The following RNASEH2B variants were observed in gnomAD, a reference collection of about 807,000 sequenced individuals.
The protein encoded by RNASEH2B is ribonuclease H2 subunit B, also known as Aicardi-Goutieres syndrome 2 protein.
In RNASEH2B, 36 loss-of-function variants were observed where a neutral mutation model predicts 45.0. The observed-to-expected ratio is 0.80, with a 90% confidence interval of 0.61 to 1.06. The LOEUF (loss-of-function observed/expected upper bound fraction) is 1.06. Ranked by LOEUF, RNASEH2B falls within the 50% of genes least tolerant of loss-of-function variation. The pLI is 0.00. For missense variants in RNASEH2B, 361 were observed against 360.3 expected, an observed-to-expected ratio of 1.00 and a Z score of -0.02; for synonymous variants, 119 against 125.7, an observed-to-expected ratio of 0.95 and a Z score of 0.35.
chr13:50,966,887 C>G (rs1294911533), intron 9 of RNASEH2B, among the ~76,000 whole-genome samples: 1 of 152,160 alleles, frequency 6.6e-6, no homozygotes, highest in African/African-American at 2.4e-5. Context: ...GAACAAATAT[C>G]TTAATCTTTA....
Position 50,943,325 on chromosome 13 carries a change from T to A in RNASEH2B, c.441T>A (p.Asn147Lys). 1 of 1,577,718 alleles carries A rather than the reference T, an allele frequency of 6.3e-7. No homozygotes were observed. The highest frequency in any genetic ancestry group is 8.7e-7 in the Non-Finnish European group (1 of 1,148,472). ...LLHHVTEEKGNPEIDNKKYYK... is the reference protein window; with the variant it reads ...LLHHVTEEKGKPEIDNKKYYK... The stretch of plus-strand genomic sequence containing the variant: ...GAGTCTTTTTTTTCTTTTAAGGTAA[T>A]CCAGAAATAGACAACAAGAAATATT... Residue 147 changes from asparagine to lysine, a missense_variant, in exon 6 of 11, where the codon AAT becomes AAA. Asn to Lys is a moderately conservative substitution (Grantham distance 94, BLOSUM62 0). Coordinates refer to ENST00000336617, the MANE Select transcript of RNASEH2B (RefSeq NM_024570.4).
At chr13:50,954,293 AC>A (rs1472313093) in intron 10 of RNASEH2B, 8 of 514,688 alleles carry the variant, frequency 1.6e-5, no homozygotes, top group South Asian at 1.0e-4. Context: ...TTTTTTGTCA[AC>A]CCTGCTGCCC....
At chr13:50,953,736 A>AGATGATTGGCAAAATGTAAAG in intron 9 of RNASEH2B, 169 bp from the exon 10 acceptor site, 2 of 623,982 alleles carry the variant, frequency 3.2e-6, no homozygotes, top group Non-Finnish European at 2.8e-6. Context: ...TCAATTCCCT[A>AGATGATTGGCAAAATGTAAAG]GATGATTGGC....
intron 5 of RNASEH2B, chr13:50,937,547 G>A (rs1418346543): frequency 1.3e-5 from 2 of 152,006 alleles, no homozygotes; most frequent in African/African-American, 4.8e-5. Context: ...TTTTAAATGG[G>A]GGGAAAAATA....
intron 1 of RNASEH2B, among the ~76,000 whole-genome samples, chr13:50,916,711 GAA>G (rs1434418541): frequency 7.2e-5 from 11 of 152,222 alleles, no homozygotes; most frequent in African/African-American, 2.4e-4. Context: ...GTGCTTTCCT[GAA>G]ACCGGATACT....
chr13:50,956,721 T>A lies in RNASEH2B; in HGVS notation c.*247T>A. The stretch of plus-strand genomic sequence containing the variant: ...AGTAATCACTTGAAGAGAATTAACA[T>A]ATAGCATCATGATTTTCTCAATAAA... On this transcript the variant is annotated 3_prime_UTR_variant, in exon 11 of 11. Transcript: ENST00000336617. 1 of 1,221,194 alleles carries A rather than the reference T, an allele frequency of 8.2e-7. No individual in the cohort carries two copies. Among genetic ancestry groups the A allele is most frequent in the Non-Finnish European group, 1.0e-6 (1 of 966,624 alleles). The allele number at this position is 1,221,194 out of a possible 1,614,324, so 75.6% of individuals were successfully genotyped here. A position where few individuals can be genotyped will look rare whatever the true frequency, so the allele number is the denominator to read the frequency against.
intron 1 of RNASEH2B, among the ~76,000 whole-genome samples, chr13:50,924,127 T>C (rs113769863): frequency 1.2e-4 from 19 of 152,280 alleles, no homozygotes; most frequent in African/African-American, 4.3e-4. Context: ...GAATATGACA[T>C]ACAGAAAACA....
intron 7 of RNASEH2B, among the ~76,000 whole-genome samples, chr13:50,947,332 A>G (rs1951912073): frequency 6.6e-6 from 1 of 151,738 alleles, no homozygotes; most frequent in African/African-American, 2.4e-5. Context: ...AGAATTAATG[A>G]TGATAAATTC....
chr13:50,915,297 A>G, intron 1 of RNASEH2B: 1 of 397,416 alleles, frequency 2.5e-6, no homozygotes, highest in Non-Finnish European at 4.4e-6. Flanking sequence ...TTTATTTTCC[A>G]CAAAGCTAAG....
At chr13:50,949,965 T>C (rs1951955584) in intron 9 of RNASEH2B, 1 of 154,472 alleles carries the variant, frequency 6.5e-6, no homozygotes, top group Admixed American at 6.4e-5. Flanking sequence ...GAATTTGAAA[T>C]GATTGATGAA....
intron 9 of RNASEH2B, among the ~76,000 whole-genome samples, chr13:50,963,821 C>T (rs1284422492): frequency 6.6e-6 from 1 of 152,132 alleles, no homozygotes; most frequent in Non-Finnish European, 1.5e-5. Flanking sequence ...CCTATCTTTC[C>T]ACTAATACTT....
chr13:50,918,001 C>A lies in RNASEH2B; in HGVS notation c.64+7861C>A, dbSNP rs201382779. 5.3e-5 allele frequency among the ~76,000 whole-genome samples: 8 copies of A among 152,230 alleles called. No individual in the cohort carries two copies. The East Asian group carries it at 1.3e-3, about 26-fold the overall frequency. On this transcript the variant is annotated intron_variant, in intron 1 of 10. Coordinates refer to ENST00000336617, the MANE Select transcript of RNASEH2B (RefSeq NM_024570.4). Reference sequence around the variant, plus strand: ...TTTGTGGCTCTGAGTTGGCTGTGAACCTGAATATTTTTACTAGCTTCTTCA... The same window carrying A: ...TTTGTGGCTCTGAGTTGGCTGTGAAACTGAATATTTTTACTAGCTTCTTCA...
chr13:50,933,616 A>G (rs1289160810), intron 4 of RNASEH2B, among the ~76,000 whole-genome samples: 1 of 152,196 alleles, frequency 6.6e-6, no homozygotes, highest in Non-Finnish European at 1.5e-5. Flanking sequence ...TCCCACTGCT[A>G]CTAGCTTTAT....
chr13:50,928,066 A>G (rs1051485033), intron 2 of RNASEH2B, among the ~76,000 whole-genome samples: 3 of 151,552 alleles, frequency 2.0e-5, no homozygotes, highest in Non-Finnish European at 4.4e-5. Flanking sequence ...TTTTAACTTT[A>G]TATTCAGTGC....
chr13:50,927,342 TAA>T (rs1006365888), intron 1 of RNASEH2B, 63 bp from the exon 2 acceptor site: 1 of 952,686 alleles, frequency 1.0e-6, no homozygotes, highest in African/African-American at 1.6e-5. Flanking sequence ...GAAAACAGGG[TAA>T]AGTAAGGTGA....
At chr13:50,910,165 G>A in intron 1 of RNASEH2B, 25 bp downstream of exon 1, 1 of 1,421,326 alleles carries the variant, frequency 7.0e-7, no homozygotes, top group South Asian at 1.5e-5. Context: ...CCGGGCGGCG[G>A]GGTCGGCCCA....
rs1055639616 is a variant in RNASEH2B, at chr13:50,910,060, C to G, written c.-17C>G. On this transcript the variant is annotated 5_prime_UTR_variant, in exon 1 of 11. Transcript: ENST00000336617. ...CCGCGGCGCTGAGCCTGCGGCGCCCCGGAAGAGGCGGGCGGCATGGCCGCT... is the reference window on the plus strand; with the variant it reads ...CCGCGGCGCTGAGCCTGCGGCGCCCGGGAAGAGGCGGGCGGCATGGCCGCT... The G allele has an allele frequency of 1.8e-5, 27 of 1,463,606 alleles. No individual in the cohort carries two copies. The East Asian group carries it at 6.9e-4, about 37-fold the overall frequency. 90.7% of individuals were successfully genotyped at this position (1,463,606 alleles called of 1,614,324 possible).
chr13:50,958,253 T>C (rs1035301671), downstream of RNASEH2B, among the ~76,000 whole-genome samples: 1 of 152,126 alleles, frequency 6.6e-6, no homozygotes, highest in Non-Finnish European at 1.5e-5. Flanking sequence ...AATCCATCTT[T>C]AGTTAATTTT....
intron 4 of RNASEH2B, among the ~76,000 whole-genome samples, chr13:50,931,544 A>C (rs1350438866): frequency 6.6e-6 from 1 of 152,228 alleles, no homozygotes; most frequent in Non-Finnish European, 1.5e-5. Flanking sequence ...AAATCTCTTT[A>C]GTGTTTGGCT....
Sources: allele counts gnomAD v4.1 joint callset (sites outside exome capture counted in the v4.1 genomes callset), GRCh38; gene constraint gnomAD v4.1.1; transcripts MANE v1.5; gene names NCBI Gene and HGNC (gene_info 2026-07-23, HGNC 2026-07-21).